Variants in PGS1 observed in about 807,000 individuals in gnomAD.
PGS1 encodes CDP-diacylglycerol--glycerol-3-phosphate 3-phosphatidyltransferase, mitochondrial.
A neutral mutation model predicts 58.3 loss-of-function variants in PGS1; 44 were observed. That is an observed-to-expected ratio of 0.75 (90% CI 0.59 to 0.97). The LOEUF is 0.97. Among genes scored for constraint, PGS1 ranks in the 50% least tolerant of loss-of-function variants. The pLI is 0.00. For synonymous variants in PGS1, 330 were observed against 311.0 expected (o/e 1.06, Z -0.64); for missense variants, 684 against 731.1 (o/e 0.94, Z 0.74).
chr17:78,378,716 G>A lies in PGS1; in HGVS notation c.51G>A (p.Leu17=). 1 of 1,519,756 alleles carries A rather than the reference G, an allele frequency of 6.6e-7. No individual in the cohort carries two copies. The highest frequency in any genetic ancestry group is 1.4e-5 in the African/African-American group (1 of 69,684). The allele number at this position is 1,519,756 out of a possible 1,614,324, so 94.1% of individuals were successfully genotyped here. A position where few individuals can be genotyped will look rare whatever the true frequency, so the allele number is the denominator to read the frequency against. The change falls in exon 1 of 10, where the codon CTG becomes CTA. Residue 17 remains leucine (L), a synonymous_variant. Transcript: ENST00000262764. The part of the protein sequence containing the change: ...AAAGPVFWRR[L]LGLLPGRPGL... ...CGGGACCCGTGTTCTGGAGGCGACT[G>A]CTGGGCCTCCTGCCTGGCCGCCCAG... is the stretch of plus-strand genomic sequence containing the variant.
At chr17:78,408,961 G>T (rs748525674) in intron 7 of PGS1, among the ~76,000 whole-genome samples, 1 of 152,230 alleles carries the variant, frequency 6.6e-6, no homozygotes. Flanking sequence ...CGGGGGTGGG[G>T]TACAGGCAGG....
Position 78,385,524 on chromosome 17 carries a change from C to T in PGS1, c.143+6716C>T, listed in dbSNP as rs1003028299. Among the ~76,000 whole-genome samples the T allele has an allele frequency of 7.9e-5, 12 of 152,298 alleles. No homozygotes were observed. In the East Asian group the frequency reaches 1.5e-3, roughly 20 times the overall value. On this transcript the variant is annotated intron_variant, in intron 1 of 9. Coordinates refer to ENST00000262764, the MANE Select transcript of PGS1 (RefSeq NM_024419.5). Reference sequence around the variant, plus strand: ...CAGGATGGTCTCGATCTCCTGACGTCGTGATCCGCCTGCTTCGGCCTCCCA... The same window carrying T: ...CAGGATGGTCTCGATCTCCTGACGTTGTGATCCGCCTGCTTCGGCCTCCCA...
At chr17:78,390,322 G>GC (rs1381158358) in intron 1 of PGS1, among the ~76,000 whole-genome samples, 5 of 87,864 alleles carry the variant, frequency 5.7e-5, no homozygotes, top group Non-Finnish European at 4.9e-5. Context: ...CTAGAGACGG[G>GC]GGTGGGGGAG....
chr17:78,415,976 C>T (rs573500322), intron 8 of PGS1, among the ~76,000 whole-genome samples: 117 of 152,356 alleles, frequency 7.7e-4, no homozygotes, highest in Non-Finnish European at 1.2e-3. Flanking sequence ...AGCTTTTATG[C>T]TCCAGGGTTT....
At position 78,379,829 on chromosome 17, in the gene PGS1, C is replaced by CAAA. The variant is rs372553390; in HGVS notation, c.143+1031_143+1033dup. 1.5e-3 allele frequency among the ~76,000 whole-genome samples: 203 copies of CAAA among 139,486 alleles called. 2 individuals are homozygous for CAAA. Among genetic ancestry groups the CAAA allele is most frequent in the African/African-American group, 4.9e-3 (189 of 38,358 alleles). 91.5% of individuals were successfully genotyped at this position (139,486 alleles called of 152,430 possible). A position where few individuals can be genotyped will look rare whatever the true frequency, so the allele number is the denominator to read the frequency against. On this transcript the variant is annotated intron_variant, in intron 1 of 9. Transcript: ENST00000262764. ...AGGCAACAAGAGCAAAACTCTGTTTCAAAAAAAAAAAATTCTCTTGTGTGC... is the reference window on the plus strand; with the variant it reads ...AGGCAACAAGAGCAAAACTCTGTTTCAAAAAAAAAAAAAAATTCTCTTGTGTGC...
chr17:78,414,386 T>C (rs1434751919), intron 7 of PGS1, among the ~76,000 whole-genome samples: 1 of 152,210 alleles, frequency 6.6e-6, no homozygotes, highest in African/African-American at 2.4e-5. Context: ...GAAGCACGCG[T>C]GAGCTGATTC....
At chr17:78,402,092 A>G (rs992088237) in intron 6 of PGS1, among the ~76,000 whole-genome samples, 1 of 152,100 alleles carries the variant, frequency 6.6e-6, no homozygotes, top group Non-Finnish European at 1.5e-5. Flanking sequence ...CCTGTCCAGC[A>G]TGTGGCAGTG....
intron 8 of PGS1, among the ~76,000 whole-genome samples, chr17:78,416,496 C>G (rs2085200383): frequency 6.6e-6 from 1 of 152,242 alleles, no homozygotes; most frequent in Non-Finnish European, 1.5e-5. Context: ...AGCAAGTCCT[C>G]CAGGCCTGTG....
intron 8 of PGS1, 133 bp downstream of exon 8, chr17:78,415,160 ACT>A (rs1291847487): frequency 5.9e-6 from 6 of 1,013,280 alleles, no homozygotes; most frequent in Non-Finnish European, 8.7e-6. Flanking sequence ...AGCAAGAAAG[ACT>A]CTGGGTCTCC....
chr17:78,402,117 C>T (rs924655035), intron 6 of PGS1, among the ~76,000 whole-genome samples: 2 of 152,144 alleles, frequency 1.3e-5, no homozygotes, highest in Non-Finnish European at 2.9e-5. Flanking sequence ...TCCTTTCTCC[C>T]CTGGAGGGTG....
At chr17:78,401,229 G>A (rs1442101604) in intron 6 of PGS1, among the ~76,000 whole-genome samples, 3 of 152,132 alleles carry the variant, frequency 2.0e-5, no homozygotes, top group Non-Finnish European at 4.4e-5. Flanking sequence ...AGGTCAGGAC[G>A]CAGTTAACAA....
intron 3 of PGS1, 28 bp from the exon 4 acceptor site, chr17:78,398,224 T>C (rs1377236746): frequency 5.3e-6 from 8 of 1,506,730 alleles, no homozygotes; most frequent in Non-Finnish European, 6.5e-6. Context: ...TGGGTCTTAA[T>C]CTTCTTTTCT....
At chr17:78,417,430 C>CA (rs1435879721) in intron 8 of PGS1, among the ~76,000 whole-genome samples, 1 of 152,140 alleles carries the variant, frequency 6.6e-6, no homozygotes, top group African/African-American at 2.4e-5. Context: ...GGGAGTGTGG[C>CA]ATGGACCCAC....
At chr17:78,418,933 T>C (rs546304560) in intron 8 of PGS1, among the ~76,000 whole-genome samples, 1 of 152,190 alleles carries the variant, frequency 6.6e-6, no homozygotes, top group Non-Finnish European at 1.5e-5. Context: ...ATTTAAAATA[T>C]TTTTTCCACC....
At chr17:78,384,349 C>T (rs1395148005) in intron 1 of PGS1, among the ~76,000 whole-genome samples, 3 of 152,152 alleles carry the variant, frequency 2.0e-5, no homozygotes, top group Admixed American at 6.5e-5. Context: ...GCAGGAAGTA[C>T]GGTACCTTCT....
At chr17:78,395,832 G>A (rs565464911) in intron 2 of PGS1, among the ~76,000 whole-genome samples, 1 of 152,230 alleles carries the variant, frequency 6.6e-6, no homozygotes, top group Non-Finnish European at 1.5e-5. Flanking sequence ...TCTGCCTCCT[G>A]GGTTCAAGTG....
intron 7 of PGS1, among the ~76,000 whole-genome samples, chr17:78,412,823 C>T (rs1372703771): frequency 6.6e-6 from 1 of 152,210 alleles, no homozygotes; most frequent in African/African-American, 2.4e-5. Flanking sequence ...TTTTAAGAGG[C>T]TGATCTTGTC....
At position 78,414,896 on chromosome 17, in the gene PGS1, G is replaced by T. The variant is rs117326474; in HGVS notation, c.1420G>T (p.Ala474Ser). 2.6e-4 allele frequency: 426 copies of T among 1,614,136 alleles called. 3 individuals are homozygous for T. In the East Asian group the frequency reaches 9.4e-3, roughly 36 times the overall value. Reference protein sequence around the residue: ...FHAKGLWLYLAGSSLPCLTLI... With the variant: ...FHAKGLWLYLSGSSLPCLTLI... Reference sequence around the variant, plus strand: ...CCCCGCAGGCCTCTGGCTGTACCTGGCAGGGAGCAGCCTGCCCTGTCTCAC... The same window carrying T: ...CCCCGCAGGCCTCTGGCTGTACCTGTCAGGGAGCAGCCTGCCCTGTCTCAC... Residue 474 changes from alanine to serine, a missense_variant, in exon 8 of 10, where the codon GCA becomes TCA. Ala to Ser is a moderately conservative substitution (Grantham distance 99). Transcript: ENST00000262764.
chr17:78,400,586 C>A lies in PGS1; in HGVS notation c.702-91C>A. 6 of 1,043,002 alleles carry A rather than the reference C, an allele frequency of 5.8e-6. No homozygotes were observed. Among genetic ancestry groups the A allele is most frequent in the Admixed American group, 1.8e-5 (1 of 54,538 alleles). The allele number at this position is 1,043,002 out of a possible 1,614,324, so 64.6% of individuals were successfully genotyped here. ...CATCTTGACCTGAGTTTGTCACCCC[C>A]CTGCTAGTTCACCTGAGACCTGGGT... On this transcript the variant is annotated intron_variant, in intron 5 of 9. Transcript: ENST00000262764. This position sits in a 1 kb window ranked among gnomAD's most constrained non-coding sequence, Gnocchi z 4.4.
Sources: gnomAD v4.1 joint callset for allele counts (sites outside exome capture counted in the v4.1 genomes callset) on GRCh38, gnomAD v4.1.1 for gene constraint, Gnocchi (gnomAD v3.1) non-coding constraint, MANE v1.5 for transcripts, NCBI Gene and HGNC (gene_info 2026-07-23, HGNC 2026-07-21) for gene names.